Variants in PPM1L observed in about 807,000 individuals in gnomAD.
The protein encoded by PPM1L is protein phosphatase 1L.
A neutral mutation model predicts 31.4 loss-of-function variants in PPM1L; 13 were observed. The observed-to-expected ratio is 0.41, with a 90% CI of 0.27 to 0.66. The LOEUF (loss-of-function observed/expected upper bound fraction) is 0.66, where lower values mean the gene tolerates loss of function less well. PPM1L is among the 30% of genes least tolerant of loss of function. The pLI is 0.29. For synonymous variants in PPM1L, 184 were observed against 175.4 expected (o/e 1.05, Z -0.39); for missense variants, 326 against 453.7 (o/e 0.72, Z 2.56).
At chr3:160,788,479 A>G (rs1477763327) in intron 1 of PPM1L, among the ~76,000 whole-genome samples, 1 of 152,090 alleles carries the variant, frequency 6.6e-6, no homozygotes, top group Non-Finnish European at 1.5e-5. Context: ...TTCTTTCTGT[A>G]GAAAGAAGAT....
At chr3:160,977,973 T>C (rs1050909125) in intron 2 of PPM1L, among the ~76,000 whole-genome samples, 1 of 152,228 alleles carries the variant, frequency 6.6e-6, no homozygotes, top group Non-Finnish European at 1.5e-5. Context: ...TAGTCTGGGT[T>C]CCTCAAATGT....
Position 161,068,924 on chromosome 3 carries a change from A to G in PPM1L, c.850A>G (p.Ile284Val). Residue 284 changes from isoleucine (I) to valine (V), a missense_variant, in exon 4 of 4, where the codon ATC (isoleucine) becomes GTC (valine). This residue lies in a region of PPM1L where 201 missense variants were observed against 298.2 expected (regional missense o/e 0.67). Coordinates refer to ENST00000498165, the MANE Select transcript of PPM1L (RefSeq NM_139245.4). ...NLNVVIPDPD[I>V]LTFDLDKLQP... ...CAACGTGGTCATCCCAGACCCAGACATCCTGACCTTTGACCTGGACAAGCT... is the reference window on the plus strand; with the variant it reads ...CAACGTGGTCATCCCAGACCCAGACGTCCTGACCTTTGACCTGGACAAGCT... 1 of 1,614,218 alleles carries G rather than the reference A, an allele frequency of 6.2e-7. No homozygotes were observed. The highest frequency in any genetic ancestry group is 8.5e-7 in the Non-Finnish European group (1 of 1,180,042).
chr3:161,025,786 AAGACG>A (rs1718368648), intron 2 of PPM1L, among the ~76,000 whole-genome samples: 2 of 152,164 alleles, frequency 1.3e-5, no homozygotes, highest in African/African-American at 4.8e-5. Context: ...CAAATAAACT[AAGACG>A]ATAGGTTAAG....
chr3:160,828,812 C>T (rs1436308469), intron 1 of PPM1L, among the ~76,000 whole-genome samples: 3 of 152,054 alleles, frequency 2.0e-5, no homozygotes, highest in Non-Finnish European at 4.4e-5. Flanking sequence ...AAAAGCTAAA[C>T]CAGAGCAAAA....
chr3:161,045,590 C>T (rs1719035123), intron 2 of PPM1L, among the ~76,000 whole-genome samples: 2 of 152,152 alleles, frequency 1.3e-5, no homozygotes, highest in Admixed American at 1.3e-4. Context: ...AAAGACACAA[C>T]ATACCAGAAT....
At chr3:160,812,434 G>A (rs1712840479) in intron 1 of PPM1L, among the ~76,000 whole-genome samples, 1 of 152,188 alleles carries the variant, frequency 6.6e-6, no homozygotes. Context: ...GGACTCAGAA[G>A]CATTGCATTC....
At chr3:160,808,463 A>G (rs925515756) in intron 1 of PPM1L, among the ~76,000 whole-genome samples, 30 of 150,520 alleles carry the variant, frequency 2.0e-4, no homozygotes, top group Admixed American at 2.0e-4. Flanking sequence ...GCTGCAGTGC[A>G]GGTAACATGG....
chr3:161,017,473 C>G (rs56990390), intron 2 of PPM1L, among the ~76,000 whole-genome samples: 12,200 of 152,150 alleles, frequency 0.08, 633 homozygotes, highest in East Asian at 0.24. Flanking sequence ...TTTCGAGTAC[C>G]TAGCTGAATA....
chr3:161,049,940 G>A lies in PPM1L; in HGVS notation c.575-15463G>A, dbSNP rs374628345. Among the ~76,000 whole-genome samples the A allele has an allele frequency of 1.7e-4, 26 of 152,294 alleles. No individual in the cohort carries two copies. The South Asian group carries it at 5.0e-3, about 29-fold the overall frequency. On this transcript the variant is annotated intron_variant, in intron 2 of 3. Coordinates refer to ENST00000498165, the MANE Select transcript of PPM1L (RefSeq NM_139245.4). ...CTGGTCAAAGCTTCCCATGCAGCAAGTGTTTCATAATCAGCCTGTTCCTGC... is the reference window on the plus strand; with the variant it reads ...CTGGTCAAAGCTTCCCATGCAGCAAATGTTTCATAATCAGCCTGTTCCTGC...
chr3:160,783,976 T>A (rs1711823890), intron 1 of PPM1L, among the ~76,000 whole-genome samples: 1 of 152,220 alleles, frequency 6.6e-6, no homozygotes, highest in Non-Finnish European at 1.5e-5. Flanking sequence ...TATTTTAGGT[T>A]ACAAGTATCT....
chr3:160,785,305 T>G (rs1426330153), intron 1 of PPM1L, among the ~76,000 whole-genome samples: 4 of 152,126 alleles, frequency 2.6e-5, no homozygotes, highest in Admixed American at 2.6e-4. Flanking sequence ...TAATAAATTA[T>G]TTTATTTAGT....
chr3:161,075,715 G>A lies in PPM1L; in HGVS notation c.*6558G>A, dbSNP rs1720076030. 6.6e-6 allele frequency: 1 copy of A among 152,152 alleles called. No homozygotes were observed. Among genetic ancestry groups the A allele is most frequent in the South Asian group, 2.1e-4 (1 of 4,832 alleles). The allele number at this position is 152,152 out of a possible 1,614,324, so 9.4% of individuals were successfully genotyped here. A position where few individuals can be genotyped will look rare whatever the true frequency, so the allele number is the denominator to read the frequency against. ...AAATATTTTAAATTAAGAAAAGGAG[G>A]TGTTATAGTTTATTACATCATGAAT... On this transcript the variant is annotated 3_prime_UTR_variant, in exon 4 of 4. Coordinates refer to ENST00000498165, the MANE Select transcript of PPM1L (RefSeq NM_139245.4).
chr3:160,938,432 T>A (rs987227927), intron 1 of PPM1L, among the ~76,000 whole-genome samples: 1 of 152,210 alleles, frequency 6.6e-6, no homozygotes, highest in Non-Finnish European at 1.5e-5. Flanking sequence ...CCACTTAATA[T>A]GATAGCTGCA....
At chr3:161,029,665 G>C (rs1263785626) in intron 2 of PPM1L, among the ~76,000 whole-genome samples, 3 of 151,912 alleles carry the variant, frequency 2.0e-5, no homozygotes, top group Non-Finnish European at 4.4e-5. Context: ...TCTTGACTTT[G>C]CTGTTTATCA....
intron 1 of PPM1L, among the ~76,000 whole-genome samples, chr3:160,816,912 G>C (rs1374866470): frequency 6.6e-6 from 1 of 151,926 alleles, no homozygotes; most frequent in Non-Finnish European, 1.5e-5. Context: ...AGTCTTTTTT[G>C]TTGGTAATTA....
intron 1 of PPM1L, among the ~76,000 whole-genome samples, chr3:160,911,096 A>T (rs1158561784): frequency 2.0e-5 from 3 of 152,246 alleles, no homozygotes; most frequent in Non-Finnish European, 4.4e-5. Context: ...TATCAGGGAT[A>T]TGCATAGCTT....
chr3:161,019,239 C>T, intron 2 of PPM1L, among the ~76,000 whole-genome samples: 1 of 152,162 alleles, frequency 6.6e-6, no homozygotes. Context: ...TGTCACCCAG[C>T]CTGGGGTGCA....
At chr3:160,864,911 A>G (rs773824616) in intron 1 of PPM1L, among the ~76,000 whole-genome samples, 8 of 152,254 alleles carry the variant, frequency 5.3e-5, no homozygotes, top group Non-Finnish European at 1.2e-4. Context: ...AAAATTGGGT[A>G]TCTAAACTTC....
chr3:160,921,178 C>G (rs1714389720), intron 1 of PPM1L, among the ~76,000 whole-genome samples: 1 of 152,128 alleles, frequency 6.6e-6, no homozygotes, highest in African/African-American at 2.4e-5. Flanking sequence ...AATCTTTCCT[C>G]CTGCGTAACT....
Sources: allele counts gnomAD v4.1 joint callset (sites outside exome capture counted in the v4.1 genomes callset), GRCh38; gene constraint gnomAD v4.1.1; regional missense constraint gnomAD v4.1.1; transcripts MANE v1.5; gene names NCBI Gene and HGNC (gene_info 2026-07-23, HGNC 2026-07-21).